Variants in PAN3 observed in about 807,000 individuals in gnomAD.
PAN3 encodes poly(A) specific ribonuclease subunit PAN3.
PAN3 carries 19 observed loss-of-function variants against 96.2 expected under a neutral mutation model. The observed-to-expected ratio is 0.20, with a 90% confidence interval of 0.14 to 0.29. The LOEUF is 0.29. Among genes scored for constraint, PAN3 ranks in the 10% least tolerant of loss-of-function variants. The pLI, the probability that PAN3 is intolerant of heterozygous loss-of-function variation, is 1.00. For missense variants in PAN3, 882 were observed against 1,108.1 expected, an observed-to-expected ratio of 0.80 and a Z score of 2.90; for synonymous variants, 433 against 406.6, an observed-to-expected ratio of 1.06 and a Z score of -0.78.
At chr13:28,236,498 G>C (rs1378337428) in intron 6 of PAN3, among the ~76,000 whole-genome samples, 1 of 152,132 alleles carries the variant, frequency 6.6e-6, no homozygotes, top group African/African-American at 2.4e-5. Context: ...AATTTTATCT[G>C]ATTTGAATGA....
Position 28,139,031 on chromosome 13 carries a change from G to A in PAN3, c.374G>A (p.Gly125Glu). The A allele has an allele frequency of 7.8e-7, 1 of 1,275,410 alleles. No individual in the cohort carries two copies. Among genetic ancestry groups the A allele is most frequent in the East Asian group, 3.2e-5 (1 of 31,646 alleles). The allele number at this position is 1,275,410 out of a possible 1,614,324, so 79.0% of individuals were successfully genotyped here. ...CCGGACCTGGGGGACCCGGGGACCG[G>A]AGCCGCAGCCGGCGGAGGAGGCAGT... Reference protein sequence around the residue: ...KKPDLGDPGTGAAAGGGGSSG... With the variant: ...KKPDLGDPGTEAAAGGGGSSG... The change falls in exon 1 of 19, where the codon GGA (glycine) becomes GAA (glutamate). Residue 125 changes from glycine to glutamate, a missense_variant. Physicochemically the swap from Gly to Glu is moderately conservative, Grantham distance 98 (BLOSUM62 -2). Around this residue, in one of 3 missense-constraint regions of PAN3, gnomAD observed 442 missense variants for 422.8 expected, o/e 1.05. Coordinates refer to ENST00000380958, the MANE Select transcript of PAN3 (RefSeq NM_175854.8).
intron 5 of PAN3, chr13:28,215,510 G>T: frequency 1.5e-6 from 1 of 671,588 alleles, no homozygotes; most frequent in Non-Finnish European, 2.7e-6. Flanking sequence ...AATGACCCAC[G>T]AATGAAGGCA....
intron 9 of PAN3, among the ~76,000 whole-genome samples, chr13:28,263,950 C>G (rs893916741): frequency 6.6e-6 from 1 of 152,084 alleles, no homozygotes; most frequent in Non-Finnish European, 1.5e-5. Context: ...AAACAAACAC[C>G]GCCCTATGTT....
At chr13:28,255,781 T>C (rs1328671811) in intron 6 of PAN3, among the ~76,000 whole-genome samples, 2 of 152,150 alleles carry the variant, frequency 1.3e-5, no homozygotes, top group East Asian at 3.8e-4. Context: ...ATTTTGTTAA[T>C]TATATTTGGC....
intron 6 of PAN3, among the ~76,000 whole-genome samples, chr13:28,238,446 T>G (rs7333496): frequency 0.056 from 8,484 of 152,270 alleles, 304 homozygotes; most frequent in South Asian, 0.15. Context: ...ATGCCTATAT[T>G]CAAATGAGTA....
intron 1 of PAN3, among the ~76,000 whole-genome samples, chr13:28,143,058 C>T (rs1284928319): frequency 6.6e-6 from 1 of 152,122 alleles, no homozygotes; most frequent in African/African-American, 2.4e-5. Flanking sequence ...CACTTAGTTG[C>T]AATGATGTTT....
chr13:28,188,481 G>A (rs905844379), intron 4 of PAN3, among the ~76,000 whole-genome samples: 23 of 152,150 alleles, frequency 1.5e-4, no homozygotes, highest in African/African-American at 5.6e-4. Flanking sequence ...TGCACGCATA[G>A]TGCCAGCTAT....
chr13:28,221,400 A>C (rs1438249458), intron 6 of PAN3, among the ~76,000 whole-genome samples: 1 of 152,122 alleles, frequency 6.6e-6, no homozygotes, highest in African/African-American at 2.4e-5. Context: ...AAACAAAGCC[A>C]AAGGATATAT....
chr13:28,186,056 CTG>C, intron 4 of PAN3, among the ~76,000 whole-genome samples: 1 of 152,218 alleles, frequency 6.6e-6, no homozygotes, highest in Non-Finnish European at 1.5e-5. Flanking sequence ...TTCCCCAACT[CTG>C]TTTTATTCCC....
intron 4 of PAN3, among the ~76,000 whole-genome samples, chr13:28,178,847 G>T (rs984123054): frequency 6.6e-6 from 1 of 152,096 alleles, no homozygotes; most frequent in Non-Finnish European, 1.5e-5. Flanking sequence ...GACTGTGGTG[G>T]TGTTGGCTTC....
intron 4 of PAN3, among the ~76,000 whole-genome samples, chr13:28,186,472 A>G (rs564463383): frequency 2.0e-5 from 3 of 152,208 alleles, no homozygotes; most frequent in Non-Finnish European, 4.4e-5. Flanking sequence ...ATTAATGGAT[A>G]TAGTGTTTAT....
intron 14 of PAN3, among the ~76,000 whole-genome samples, chr13:28,273,698 A>G (rs1886826055): frequency 6.6e-6 from 1 of 152,186 alleles, no homozygotes; most frequent in Non-Finnish European, 1.5e-5. Context: ...AATGCTTCAC[A>G]TTAGGATAGG....
chr13:28,251,995 C>A (rs972110323), intron 6 of PAN3, among the ~76,000 whole-genome samples: 1 of 151,822 alleles, frequency 6.6e-6, no homozygotes, highest in Non-Finnish European at 1.5e-5. Flanking sequence ...TCAAATGATT[C>A]TCCTGCCTCA....
chr13:28,190,249 T>G (rs1283541420), intron 4 of PAN3, among the ~76,000 whole-genome samples: 1 of 151,936 alleles, frequency 6.6e-6, no homozygotes, highest in Non-Finnish European at 1.5e-5. Context: ...CTGGCCAATT[T>G]GTTTGTTTTT....
chr13:28,252,469 G>T (rs1158427932), intron 6 of PAN3, among the ~76,000 whole-genome samples: 1 of 151,846 alleles, frequency 6.6e-6, no homozygotes, highest in African/African-American at 2.4e-5. Flanking sequence ...TCCAGAAATA[G>T]AATTGTGTTA....
At position 28,265,370 on chromosome 13, in the gene PAN3, C is replaced by T. The variant is rs1369403663; in HGVS notation, c.1412-1345C>T. On this transcript the variant is annotated intron_variant, in intron 9 of 18. Coordinates refer to ENST00000380958, the MANE Select transcript of PAN3 (RefSeq NM_175854.8). ...ACATGCAATGACACTTGGCAGTATA[C>T]TGCCTTTATTTAAGTAGAACATGCC... Among the ~76,000 whole-genome samples the T allele has an allele frequency of 2.0e-5, 3 of 152,190 alleles. No individual in the cohort carries two copies. In the East Asian group the frequency reaches 5.8e-4, roughly 29 times the overall value.
chr13:28,206,346 G>T (rs2138291623), intron 5 of PAN3, among the ~76,000 whole-genome samples: 1 of 116,678 alleles, frequency 8.6e-6, no homozygotes, highest in African/African-American at 3.4e-5. Context: ...TTTTGAGACA[G>T]AGTTTCGCAC....
At chr13:28,291,273 C>G (rs908810981) in intron 18 of PAN3, among the ~76,000 whole-genome samples, 1 of 151,944 alleles carries the variant, frequency 6.6e-6, no homozygotes, top group Admixed American at 6.6e-5. Flanking sequence ...AAATAAAGTA[C>G]ATTGAAAATA....
At chr13:28,166,752 C>A (rs1011424760) in intron 1 of PAN3, among the ~76,000 whole-genome samples, 6 of 152,194 alleles carry the variant, frequency 3.9e-5, no homozygotes, top group African/African-American at 1.2e-4. Context: ...GTAGGCATCA[C>A]CAAGGTTTAC....
Sources: allele counts gnomAD v4.1 joint callset (sites outside exome capture counted in the v4.1 genomes callset), GRCh38; gene constraint gnomAD v4.1.1; regional missense constraint gnomAD v4.1.1; transcripts MANE v1.5; gene names NCBI Gene and HGNC (gene_info 2026-07-23, HGNC 2026-07-21).